Variants in ZNF831 observed in about 807,000 individuals in gnomAD.
ZNF831 encodes chromosome 20 open reading frame 174.
A neutral mutation model predicts 95.8 loss-of-function variants in ZNF831; 59 were observed. The observed-to-expected ratio is 0.62, with a 90% CI of 0.50 to 0.77. The LOEUF (loss-of-function observed/expected upper bound fraction) is 0.77, where lower values mean the gene tolerates loss of function less well. Among genes scored for constraint, ZNF831 ranks in the 30% least tolerant of loss-of-function variants. The probability of loss-of-function intolerance (pLI) is 0.00; values close to 1 mark genes in which losing one functional copy is unlikely to be tolerated. For missense variants in ZNF831, 2,205 were observed against 2,164.0 expected, an observed-to-expected ratio of 1.02 and a Z score of -0.38; for synonymous variants, 961 against 925.5, an observed-to-expected ratio of 1.04 and a Z score of -0.70.
At chr20:59,224,992 A>G (rs530394880) in intron 4 of ZNF831, among the ~76,000 whole-genome samples, 122 of 152,092 alleles carry the variant, frequency 8.0e-4, no homozygotes, top group African/African-American at 2.7e-3. Flanking sequence ...GTAGAGTAGA[A>G]TACTGCATGC....
rs1988079301 is a variant in ZNF831, at chr20:59,254,485, C to G, written c.4776C>G (p.Ser1592=). The G allele has an allele frequency of 6.2e-7, 1 of 1,613,982 alleles. No homozygotes were observed. Among genetic ancestry groups the G allele is most frequent in the African/African-American group, 1.3e-5 (1 of 74,910 alleles). The change falls in exon 6 of 6, where the codon TCC becomes TCG. Residue 1592 remains serine (S), a synonymous_variant. Transcript: ENST00000371030. The surrounding 1 kb of genome is among the most constrained non-coding windows in gnomAD (Gnocchi z 4.5). ...GGAGACACAAGACGTTTTTTCCTTC[C>G]AGAGGCCAGTATGGGTGTGGGGAAA... ...KEGRHKTFFP[S]RGQYGCGEMT...
upstream of ZNF831, among the ~76,000 whole-genome samples, chr20:59,162,645 G>C (rs112483754): frequency 6.6e-6 from 1 of 152,050 alleles, no homozygotes; most frequent in Non-Finnish European, 1.5e-5. Flanking sequence ...CTGTTCCATT[G>C]GTCTGTGTGT....
chr20:59,209,118 G>A (rs188076968), intron 4 of ZNF831, among the ~76,000 whole-genome samples: 1 of 152,218 alleles, frequency 6.6e-6, no homozygotes, highest in Admixed American at 6.5e-5. Context: ...GACATTGGCA[G>A]ATCTGTTTGC....
intron 1 of ZNF831, among the ~76,000 whole-genome samples, chr20:59,127,977 C>T (rs1979229608): frequency 6.6e-6 from 1 of 152,238 alleles, no homozygotes; most frequent in Non-Finnish European, 1.5e-5. Context: ...GCCAGCCTGG[C>T]ACTGGCTGGA....
chr20:59,230,971 C>G (rs964406374), intron 4 of ZNF831, among the ~76,000 whole-genome samples: 1 of 152,194 alleles, frequency 6.6e-6, no homozygotes, highest in Admixed American at 6.5e-5. Flanking sequence ...TTCTTCTGTC[C>G]TGTTCCTCTG....
intron 1 of ZNF831, among the ~76,000 whole-genome samples, chr20:59,144,433 G>T (rs1979775079): frequency 6.6e-6 from 1 of 152,158 alleles, no homozygotes; most frequent in South Asian, 2.1e-4. Context: ...AGGGTGCTTA[G>T]CAGCATCCTT....
At chr20:59,166,542 G>C (rs1015892652) in intron 1 of ZNF831, among the ~76,000 whole-genome samples, 7 of 152,066 alleles carry the variant, frequency 4.6e-5, no homozygotes, top group Admixed American at 4.6e-4. Flanking sequence ...AGGATGCGTC[G>C]TGGACACCCC....
At chr20:59,166,973 C>T (rs1981322090) in intron 1 of ZNF831, among the ~76,000 whole-genome samples, 1 of 152,164 alleles carries the variant, frequency 6.6e-6, no homozygotes, top group Non-Finnish European at 1.5e-5. Flanking sequence ...GAATAATAGT[C>T]CCATGTTTGA....
chr20:59,142,659 TG>T (rs1979719478), intron 1 of ZNF831, among the ~76,000 whole-genome samples: 1 of 152,200 alleles, frequency 6.6e-6, no homozygotes, highest in Non-Finnish European at 1.5e-5. Context: ...CAAAGAGAGG[TG>T]GCCTTGGCTT....
chr20:59,148,369 C>G (rs1979995473), intron 2 of ZNF831, among the ~76,000 whole-genome samples: 1 of 152,094 alleles, frequency 6.6e-6, no homozygotes, highest in Non-Finnish European at 1.5e-5. Flanking sequence ...TGCTACATTT[C>G]TGATGTTCTG....
chr20:59,202,033 A>T (rs371872544), intron 3 of ZNF831, among the ~76,000 whole-genome samples: 1 of 152,278 alleles, frequency 6.6e-6, no homozygotes, highest in African/African-American at 2.4e-5. Context: ...TCTTTCATGG[A>T]TCACTGCCTT....
In ZNF831 at chr20:59,257,341, A is replaced by G. The variant is rs1435481139; in HGVS notation, c.*2598A>G. 6.6e-6 allele frequency: 1 copy of G among 152,218 alleles called. No individual in the cohort carries two copies. The highest frequency in any genetic ancestry group is 1.5e-5 in the Non-Finnish European group (1 of 68,038). The allele number at this position is 152,218 out of a possible 1,614,324, so 9.4% of individuals were successfully genotyped here. A position where few individuals can be genotyped will look rare whatever the true frequency, so the allele number is the denominator to read the frequency against. The stretch of plus-strand genomic sequence containing the variant: ...AGCTGTATGTCAATGGATTTTTTAA[A>G]AATTAAAAATGTATTTTGAATGACC... On this transcript the variant is annotated 3_prime_UTR_variant, in exon 6 of 6. Coordinates refer to ENST00000371030, the MANE Select transcript of ZNF831 (RefSeq NM_178457.3).
chr20:59,185,399 A>G (rs1982936343), intron 1 of ZNF831, among the ~76,000 whole-genome samples: 1 of 151,830 alleles, frequency 6.6e-6, no homozygotes, highest in African/African-American at 2.4e-5. Flanking sequence ...TGGCATTTCT[A>G]CTTTGAAGCC....
chr20:59,144,232 A>G (rs1178429585), intron 1 of ZNF831, among the ~76,000 whole-genome samples: 1 of 152,188 alleles, frequency 6.6e-6, no homozygotes, highest in African/African-American at 2.4e-5. Context: ...ATGATATGAC[A>G]GTCGCTTCCT....
At position 59,254,196 on chromosome 20, in the gene ZNF831, C is replaced by T; in HGVS notation, c.4487C>T (p.Ser1496Phe). 2 of 1,614,112 alleles carry T rather than the reference C, an allele frequency of 1.2e-6. No homozygotes were observed. Among genetic ancestry groups the T allele is most frequent in the Non-Finnish European group, 1.7e-6 (2 of 1,180,006 alleles). Residue 1496 changes from serine (S) to phenylalanine (F), a missense_variant, in exon 6 of 6, where the codon TCT becomes TTT. Ser to Phe is a radical substitution (Grantham distance 155). Transcript: ENST00000371030. The surrounding 1 kb of genome is among the most constrained non-coding windows in gnomAD (Gnocchi z 4.5). ...IATSVAAVCI[S>F]LPVRTDHIAQ... The stretch of plus-strand genomic sequence containing the variant: ...ACCTCTGTGGCTGCCGTTTGTATTT[C>T]TCTGCCAGTGAGAACAGATCACATA...
intron 1 of ZNF831, among the ~76,000 whole-genome samples, chr20:59,129,982 G>A (rs1215557889): frequency 6.6e-6 from 1 of 152,156 alleles, no homozygotes; most frequent in East Asian, 1.9e-4. Context: ...CAGACTTCAG[G>A]ATTCCTGATG....
intron 1 of ZNF831, among the ~76,000 whole-genome samples, chr20:59,129,505 C>A (rs2146434659): frequency 1.3e-5 from 2 of 152,228 alleles, no homozygotes; most frequent in African/African-American, 4.8e-5. Context: ...CGCCTGTAAT[C>A]CTAGCTACTC....
chr20:59,133,574 C>G (rs1979411535), intron 1 of ZNF831, among the ~76,000 whole-genome samples: 1 of 152,104 alleles, frequency 6.6e-6, no homozygotes, highest in Non-Finnish European at 1.5e-5. Flanking sequence ...TGACAGTTGC[C>G]AAGGAGGAAA....
chr20:59,199,593 C>T (rs1984385586), intron 3 of ZNF831, among the ~76,000 whole-genome samples: 1 of 152,106 alleles, frequency 6.6e-6, no homozygotes, highest in Admixed American at 6.6e-5. Context: ...TAGAGTGTCT[C>T]ATCCATGAGT....
Sources: gnomAD v4.1 joint callset for allele counts (sites outside exome capture counted in the v4.1 genomes callset) on GRCh38, gnomAD v4.1.1 for gene constraint, Gnocchi (gnomAD v3.1) non-coding constraint, MANE v1.5 for transcripts, NCBI Gene and HGNC (gene_info 2026-07-23, HGNC 2026-07-21) for gene names.